Variants in FRMD3 observed in about 807,000 individuals in gnomAD.
FRMD3 encodes the protein FERM domain containing 3, also known as FERM domain-containing protein 3.
A neutral mutation model predicts 70.2 loss-of-function variants in FRMD3; 33 were observed. The observed-to-expected ratio is 0.47, with a 90% CI of 0.36 to 0.63. The LOEUF is 0.63. Among genes scored for constraint, FRMD3 ranks in the 20% least tolerant of loss-of-function variants. The probability of loss-of-function intolerance (pLI) is 0.00; values close to 1 mark genes in which losing one functional copy is unlikely to be tolerated. For synonymous variants in FRMD3, 279 were observed against 255.9 expected, an observed-to-expected ratio of 1.09 and a Z score of -0.86; for missense variants, 632 against 711.4, an observed-to-expected ratio of 0.89 and a Z score of 1.27.
At chr9:83,569,337 A>G in the FRMD3 span, among the ~76,000 whole-genome samples, 1 of 152,218 alleles carries the variant, frequency 6.6e-6, no homozygotes, top group Non-Finnish European at 1.5e-5. Flanking sequence ...TAACATTGGA[A>G]GAGATCCCTC....
chr9:83,478,190 A>G (rs754286749), intron 1 of FRMD3, among the ~76,000 whole-genome samples: 5 of 152,244 alleles, frequency 3.3e-5, no homozygotes, highest in Non-Finnish European at 5.9e-5. Context: ...CATGCAGTTC[A>G]TTCTCTTTAT....
intron 2 of FRMD3, among the ~76,000 whole-genome samples, chr9:83,377,121 A>G (rs1825173999): frequency 6.6e-6 from 1 of 152,228 alleles, no homozygotes; most frequent in Non-Finnish European, 1.5e-5. Context: ...TGAAATAATC[A>G]CTAAGATACT....
intron 9 of FRMD3, 35 bp from the exon 10 acceptor site, chr9:83,309,659 TAAAATACCATTTAC>T: frequency 7.4e-7 from 1 of 1,344,536 alleles, no homozygotes. Context: ...AAAAGGCACG[TAAAATACCATTTAC>T]ATTTTCCATG....
At chr9:83,330,845 T>C (rs1241946718) in intron 6 of FRMD3, among the ~76,000 whole-genome samples, 1 of 152,182 alleles carries the variant, frequency 6.6e-6, no homozygotes. Context: ...CATCTCCATA[T>C]CATCTAGTTC....
intron 13 of FRMD3, among the ~76,000 whole-genome samples, chr9:83,262,994 G>A (rs368247254): frequency 1.3e-5 from 2 of 152,194 alleles, no homozygotes; most frequent in East Asian, 1.9e-4. Context: ...AAGGGGAAGA[G>A]GGGAGGGGGC....
intron 1 of FRMD3, among the ~76,000 whole-genome samples, chr9:83,439,728 A>G (rs565030468): frequency 2.0e-4 from 31 of 152,224 alleles, no homozygotes; most frequent in Admixed American, 3.9e-4. Context: ...TACAGACAAG[A>G]TCACAAAGAG....
intron 1 of FRMD3, among the ~76,000 whole-genome samples, chr9:83,402,898 CTTTTTT>C (rs559570925): frequency 3.6e-3 from 311 of 87,298 alleles, no homozygotes; most frequent in Non-Finnish European, 4.7e-3. Flanking sequence ...TTCTTTCTTT[CTTTTTT>C]TTTTTTTTTT....
upstream of FRMD3, among the ~76,000 whole-genome samples, chr9:83,539,076 G>A (rs562439280): frequency 2.6e-5 from 4 of 152,258 alleles, no homozygotes; most frequent in African/African-American, 9.6e-5. Flanking sequence ...ATCTTAGTGT[G>A]ATCTTTGATA....
At chr9:83,554,644 A>C in the FRMD3 span, among the ~76,000 whole-genome samples, 13 of 152,318 alleles carry the variant, frequency 8.5e-5, no homozygotes, top group African/African-American at 2.9e-4. Context: ...AAGACACTTA[A>C]AGTCTTTGCT....
At chr9:83,531,101 T>C (rs1217438715) in intron 1 of FRMD3, among the ~76,000 whole-genome samples, 1 of 152,098 alleles carries the variant, frequency 6.6e-6, no homozygotes, top group Non-Finnish European at 1.5e-5. Context: ...CCTATGAAAA[T>C]GTGAGAACTG....
chr9:83,363,059 C>G (rs1564036181), intron 3 of FRMD3, among the ~76,000 whole-genome samples: 1 of 151,928 alleles, frequency 6.6e-6, no homozygotes, highest in South Asian at 2.1e-4. Flanking sequence ...AGATTTCTCT[C>G]CTTTTGCTTA....
At chr9:83,488,583 A>G in intron 1 of FRMD3, among the ~76,000 whole-genome samples, 1 of 152,196 alleles carries the variant, frequency 6.6e-6, no homozygotes, top group East Asian at 1.9e-4. Context: ...CAATACTTCC[A>G]CTTTCCTAAT....
At chr9:83,375,008 G>T (rs1313407616) in intron 2 of FRMD3, among the ~76,000 whole-genome samples, 2 of 152,164 alleles carry the variant, frequency 1.3e-5, no homozygotes, top group African/African-American at 2.4e-5. Flanking sequence ...CTCCTTGTTT[G>T]GCATTCTTTC....
chr9:83,301,854 G>A (rs938084811), intron 10 of FRMD3, among the ~76,000 whole-genome samples: 1 of 152,260 alleles, frequency 6.6e-6, no homozygotes. Context: ...GTAGCTGTAT[G>A]CTCAGGATGA....
At chr9:83,250,734 T>G (rs764516935) in intron 13 of FRMD3, among the ~76,000 whole-genome samples, 4 of 152,216 alleles carry the variant, frequency 2.6e-5, no homozygotes, top group African/African-American at 4.8e-5. Flanking sequence ...CACAGCTGTC[T>G]TGCCAGATTG....
At chr9:83,495,882 A>G (rs1828931741) in intron 1 of FRMD3, among the ~76,000 whole-genome samples, 1 of 152,256 alleles carries the variant, frequency 6.6e-6, no homozygotes, top group Non-Finnish European at 1.5e-5. Flanking sequence ...ACAATTTATT[A>G]TCAAGTCTGA....
chr9:83,508,444 GTAGTT>G (rs1274459783), intron 1 of FRMD3, among the ~76,000 whole-genome samples: 3 of 152,156 alleles, frequency 2.0e-5, no homozygotes, highest in Non-Finnish European at 4.4e-5. Flanking sequence ...AGAAAAAAAA[GTAGTT>G]TATAGATTAT....
At chr9:83,289,901 G>A (rs1365231522) in intron 13 of FRMD3, among the ~76,000 whole-genome samples, 1 of 152,202 alleles carries the variant, frequency 6.6e-6, no homozygotes, top group Non-Finnish European at 1.5e-5. Flanking sequence ...GAAGTAAGGA[G>A]AGTCCTTAAA....
chr9:83,285,616 C>T (rs1158370218), intron 13 of FRMD3, among the ~76,000 whole-genome samples: 1 of 152,168 alleles, frequency 6.6e-6, no homozygotes, highest in Non-Finnish European at 1.5e-5. Context: ...TTGCCAGTTA[C>T]CAAGTCTCAC....
Sources: gnomAD v4.1 joint callset for allele counts (sites outside exome capture counted in the v4.1 genomes callset) on GRCh38, gnomAD v4.1.1 for gene constraint, MANE v1.5 for transcripts, NCBI Gene and HGNC (gene_info 2026-07-23, HGNC 2026-07-21) for gene names.